Variants in ADH7 observed in about 807,000 individuals in gnomAD.
ADH7 encodes alcohol dehydrogenase 7 (class IV), mu or sigma polypeptide.
In ADH7, 41 loss-of-function variants were observed where a neutral mutation model predicts 34.4. That is an observed-to-expected ratio of 1.19 (90% CI 0.93 to 1.55). ADH7 has a LOEUF of 1.55. Among genes scored for constraint, ADH7 ranks in the 40% most tolerant of loss-of-function variants. The pLI, the probability that ADH7 is intolerant of heterozygous loss-of-function variation, is 0.00. For missense variants in ADH7, 540 were observed against 461.2 expected, an observed-to-expected ratio of 1.17 and a Z score of -1.56; for synonymous variants, 180 against 160.9, an observed-to-expected ratio of 1.12 and a Z score of -0.90.
chr4:99,426,309 C>A (rs902638371), intron 5 of ADH7, among the ~76,000 whole-genome samples: 1 of 151,904 alleles, frequency 6.6e-6, no homozygotes. Flanking sequence ...TGATAGACCG[C>A]TAGCAAGACT....
rs376655249 is a variant in ADH7 at position 99,428,142 on chromosome 4, A to C, written c.292T>G (p.Cys98Gly). ...DKVIPLFLPQ[C>G]RECNACRNPD... ...TTGCGACAAGCATTGCATTCTCTAC[A>C]TTGTGGCAGAAAGAGAGGGATGACT... Residue 98 changes from cysteine (C) to glycine (G), a missense_variant, in exon 4 of 9, where the codon TGT becomes GGT. Coordinates refer to ENST00000437033, the MANE Select transcript of ADH7 (RefSeq NM_000673.7). The C allele has an allele frequency of 5.3e-5, 85 of 1,613,956 alleles. No homozygotes were observed. The highest frequency in any genetic ancestry group is 3.2e-4 in the South Asian group (29 of 91,068).
rs967684114 is a variant in ADH7, at chr4:99,412,882, G to A, written c.*266C>T. Reference sequence around the variant, plus strand: ...TCTCCATTTCAACATAGAAATCCAAGTGTATGTTTTCTTAAAAGATACAAT... The same window carrying A: ...TCTCCATTTCAACATAGAAATCCAAATGTATGTTTTCTTAAAAGATACAAT... On this transcript the variant is annotated 3_prime_UTR_variant, in exon 9 of 9. Coordinates refer to ENST00000437033, the MANE Select transcript of ADH7 (RefSeq NM_000673.7). The A allele has an allele frequency of 1.9e-5, 7 of 362,344 alleles. No homozygotes were observed. Among genetic ancestry groups the A allele is most frequent in the Non-Finnish European group, 3.5e-5 (7 of 202,888 alleles). The allele number at this position is 362,344 out of a possible 1,614,324, so 22.4% of individuals were successfully genotyped here.
chr4:99,419,766 G>T (rs1194330116), intron 6 of ADH7, among the ~76,000 whole-genome samples: 2 of 152,082 alleles, frequency 1.3e-5, no homozygotes, highest in Non-Finnish European at 2.9e-5. Context: ...AATGCTATTT[G>T]TTGATATGAA....
intron 1 of ADH7, among the ~76,000 whole-genome samples, chr4:99,431,766 A>G (rs1189979418): frequency 6.6e-6 from 1 of 152,224 alleles, no homozygotes; most frequent in Non-Finnish European, 1.5e-5. Flanking sequence ...CAAAACCACA[A>G]TGAGGTACTA....
intron 6 of ADH7, 148 bp from the exon 7 acceptor site, chr4:99,419,269 C>A: frequency 6.3e-6 from 6 of 957,958 alleles, no homozygotes; most frequent in Non-Finnish European, 9.0e-6. Context: ...TTCAGTGCAA[C>A]TTTAGTCCTT....
At chr4:99,432,514 T>A (rs1160671627) in intron 1 of ADH7, 1 of 152,122 alleles carries the variant, frequency 6.6e-6, no homozygotes, top group Non-Finnish European at 1.5e-5. Flanking sequence ...GAATTAAAAT[T>A]TTGTGTGTTG....
intron 5 of ADH7, among the ~76,000 whole-genome samples, chr4:99,422,847 T>C (rs912037476): frequency 4.7e-5 from 7 of 149,904 alleles, no homozygotes; most frequent in African/African-American, 1.2e-4. Flanking sequence ...TATTTTTTTT[T>C]CTAATAAAAT....
At chr4:99,431,844 G>C (rs751731744) in intron 1 of ADH7, among the ~76,000 whole-genome samples, 1 of 152,196 alleles carries the variant, frequency 6.6e-6, no homozygotes, top group Non-Finnish European at 1.5e-5. Context: ...GGAGCGAAAA[G>C]GGAATACTTA....
intron 1 of ADH7, among the ~76,000 whole-genome samples, chr4:99,429,954 A>G (rs1217955762): frequency 6.6e-6 from 1 of 152,186 alleles, no homozygotes; most frequent in African/African-American, 2.4e-5. Flanking sequence ...CCACCCAAAA[A>G]TAGGTTATTT....
Position 99,420,572 on chromosome 4 carries a change from C to T in ADH7, c.786G>A (p.Val262=), listed in dbSNP as rs1462703987. The change falls in exon 6 of 9, where the codon GTG becomes GTA. Residue 262 remains valine, a synonymous_variant. Coordinates refer to ENST00000437033, the MANE Select transcript of ADH7 (RefSeq NM_000673.7). Reference sequence around the variant, plus strand: ...GCCCAATAACTTCAAAGGTGTATCCCACGTTGTTGCCTGTCATTTCTGACA... The same window carrying T: ...GCCCAATAACTTCAAAGGTGTATCCTACGTTGTTGCCTGTCATTTCTGACA... ...EVLSEMTGNN[V]GYTFEVIGHL... is the part of the protein sequence containing the mutation. 6.2e-7 allele frequency: 1 copy of T among 1,613,798 alleles called. No homozygotes were observed. The highest frequency in any genetic ancestry group is 8.5e-7 in the Non-Finnish European group (1 of 1,179,914).
intron 7 of ADH7, among the ~76,000 whole-genome samples, chr4:99,416,416 T>TC (rs1721516716): frequency 6.6e-6 from 1 of 152,184 alleles, no homozygotes; most frequent in African/African-American, 2.4e-5. Flanking sequence ...GGGTCATTTC[T>TC]CAGTCCTCCT....
intron 5 of ADH7, among the ~76,000 whole-genome samples, chr4:99,421,866 A>G (rs974764151): frequency 7.9e-5 from 12 of 152,232 alleles, no homozygotes; most frequent in Middle Eastern, 3.2e-3. Context: ...ACTTCTCAAA[A>G]GAAGACATTT....
intron 5 of ADH7, among the ~76,000 whole-genome samples, chr4:99,425,537 C>G (rs1227998830): frequency 1.3e-5 from 2 of 152,158 alleles, no homozygotes; most frequent in Non-Finnish European, 2.9e-5. Context: ...GCACCCAATA[C>G]AGGAGCACCC....
Position 99,435,215 on chromosome 4 carries a change from C to G in ADH7, c.18+1G>C. ...GGAGGGGACAGAAATGTTCCACTTA[C>G]TTTTCCAGCAGTGCCCATCCTGTCT... On this transcript the variant is annotated splice_donor_variant, in intron 1 of 8. Coordinates refer to ENST00000437033, the MANE Select transcript of ADH7 (RefSeq NM_000673.7). LOFTEE classifies it high-confidence loss of function. 6.2e-7 allele frequency: 1 copy of G among 1,613,204 alleles called. No homozygotes were observed. The highest frequency in any genetic ancestry group is 8.5e-7 in the Non-Finnish European group (1 of 1,179,662).
At chr4:99,425,136 A>G (rs1436822507) in intron 5 of ADH7, among the ~76,000 whole-genome samples, 1 of 152,164 alleles carries the variant, frequency 6.6e-6, no homozygotes, top group Non-Finnish European at 1.5e-5. Flanking sequence ...CGAGACTAGG[A>G]AGAAACTGCA....
intron 5 of ADH7, among the ~76,000 whole-genome samples, chr4:99,424,233 T>C (rs891870382): frequency 1.3e-5 from 2 of 152,242 alleles, no homozygotes; most frequent in South Asian, 2.1e-4. Flanking sequence ...GTTCCATTGA[T>C]CTACATCTCT....
At chr4:99,419,674 C>T (rs1198269936) in intron 6 of ADH7, among the ~76,000 whole-genome samples, 1 of 152,062 alleles carries the variant, frequency 6.6e-6, no homozygotes, top group Admixed American at 6.6e-5. Flanking sequence ...AGAGACCAGC[C>T]TTCATCAAGT....
At chr4:99,419,172 G>T (rs771718912) in intron 6 of ADH7, 51 bp from the exon 7 acceptor site, 1 of 1,584,584 alleles carries the variant, frequency 6.3e-7, no homozygotes, top group Non-Finnish European at 8.6e-7. Flanking sequence ...CTTACAGTGT[G>T]ACATAAGCTC....
At chr4:99,429,777 C>T (rs925458140) in intron 1 of ADH7, 144 bp from the exon 2 acceptor site, 2 of 594,982 alleles carry the variant, frequency 3.4e-6, no homozygotes, top group Non-Finnish European at 5.7e-6. Flanking sequence ...GTATTATAAG[C>T]CTTATAAATC....
Sources: allele counts gnomAD v4.1 joint callset (sites outside exome capture counted in the v4.1 genomes callset), GRCh38; gene constraint gnomAD v4.1.1; transcripts MANE v1.5; gene names NCBI Gene and HGNC (gene_info 2026-07-23, HGNC 2026-07-21).